Variants in LPAR3 observed in about 807,000 individuals in gnomAD.
LPAR3 encodes LPA receptor 3.
In LPAR3, 7 loss-of-function variants were observed where a neutral mutation model predicts 17.8. That is an observed-to-expected ratio of 0.39 (90% CI 0.22 to 0.74). LPAR3 has a LOEUF of 0.74. Among genes scored for constraint, LPAR3 ranks in the 30% least tolerant of loss-of-function variants. The pLI is 0.40. For synonymous variants in LPAR3, 179 were observed against 179.9 expected (o/e 0.99, Z 0.04); for missense variants, 391 against 453.4 (o/e 0.86, Z 1.25).
At chr1:84,817,802 C>CAAAAAA (rs10674807) in intron 2 of LPAR3, among the ~76,000 whole-genome samples, 1 of 119,786 alleles carries the variant, frequency 8.3e-6, no homozygotes. Flanking sequence ...CTTTCCTGGC[C>CAAAAAA]AAAAAAAAAA....
intron 2 of LPAR3, among the ~76,000 whole-genome samples, chr1:84,819,286 G>A (rs1659004666): frequency 6.6e-6 from 1 of 152,172 alleles, no homozygotes; most frequent in South Asian, 2.1e-4. Flanking sequence ...TACTGTTATG[G>A]GAAATACAGA....
At chr1:84,825,740 T>C (rs918950169) in intron 2 of LPAR3, among the ~76,000 whole-genome samples, 1 of 152,224 alleles carries the variant, frequency 6.6e-6, no homozygotes, top group Admixed American at 6.5e-5. Context: ...ATGATGACGC[T>C]GAGGTTCCTA....
chr1:84,889,649 G>A (rs74096182), intron 1 of LPAR3, among the ~76,000 whole-genome samples: 3,600 of 152,160 alleles, frequency 0.024, 65 homozygotes, highest in African/African-American at 0.044. Context: ...TTTCCTCCTC[G>A]AAGTCCAGTA....
chr1:84,875,790 A>C (rs772914046), intron 1 of LPAR3, among the ~76,000 whole-genome samples: 2 of 152,186 alleles, frequency 1.3e-5, no homozygotes, highest in Non-Finnish European at 2.9e-5. Flanking sequence ...CTGTGGTACC[A>C]TATTCCCTTT....
intron 1 of LPAR3, among the ~76,000 whole-genome samples, chr1:84,878,888 C>T (rs1376349584): frequency 6.6e-6 from 1 of 152,150 alleles, no homozygotes; most frequent in Non-Finnish European, 1.5e-5. Context: ...ACTGCTGAAG[C>T]CACTTTACCT....
intron 2 of LPAR3, among the ~76,000 whole-genome samples, chr1:84,851,786 G>C (rs1303791631): frequency 6.6e-6 from 1 of 152,206 alleles, no homozygotes; most frequent in Non-Finnish European, 1.5e-5. Flanking sequence ...GCATAGAAAA[G>C]GAGGCTGGGA....
At chr1:84,844,204 C>A (rs984390492) in intron 2 of LPAR3, among the ~76,000 whole-genome samples, 1 of 152,200 alleles carries the variant, frequency 6.6e-6, no homozygotes, top group Non-Finnish European at 1.5e-5. Context: ...CAATTTCTAG[C>A]TTAACATGTG....
chr1:84,879,742 A>G (rs1660328435), intron 1 of LPAR3, among the ~76,000 whole-genome samples: 1 of 152,182 alleles, frequency 6.6e-6, no homozygotes, highest in African/African-American at 2.4e-5. Context: ...TCTTACCACT[A>G]GAATGTAAGC....
At chr1:84,856,766 A>G (rs1659838561) in intron 2 of LPAR3, among the ~76,000 whole-genome samples, 1 of 152,184 alleles carries the variant, frequency 6.6e-6, no homozygotes, top group Non-Finnish European at 1.5e-5. Context: ...CCATCCTATA[A>G]TAGAGCTCTA....
intron 1 of LPAR3, among the ~76,000 whole-genome samples, chr1:84,886,425 C>CT (rs1314664337): frequency 6.6e-6 from 1 of 152,114 alleles, no homozygotes; most frequent in East Asian, 1.9e-4. Context: ...ACTTGGGAGG[C>CT]TGAGATAGGA....
intron 2 of LPAR3, among the ~76,000 whole-genome samples, chr1:84,821,835 A>C (rs1659061349): frequency 6.6e-6 from 1 of 152,182 alleles, no homozygotes; most frequent in South Asian, 2.1e-4. Flanking sequence ...GAAAGACTCC[A>C]GGGTGAGTGG....
intron 2 of LPAR3, among the ~76,000 whole-genome samples, chr1:84,820,909 T>G (rs79121768): frequency 1.2e-4 from 19 of 152,260 alleles, no homozygotes; most frequent in African/African-American, 4.3e-4. Context: ...GAAATCAATT[T>G]AGTGAGTTGC....
At chr1:84,835,107 T>A (rs1323222942) in intron 2 of LPAR3, among the ~76,000 whole-genome samples, 1 of 152,222 alleles carries the variant, frequency 6.6e-6, no homozygotes, top group African/African-American at 2.4e-5. Context: ...AATTCCTTCA[T>A]CTGTTCTGGA....
chr1:84,812,584 C>T lies in LPAR3; in HGVS notation c.*1262G>A, dbSNP rs937774635. On this transcript the variant is annotated 3_prime_UTR_variant, in exon 3 of 3. Coordinates refer to ENST00000370611, the MANE Select transcript of LPAR3 (RefSeq NM_012152.3). Reference sequence around the variant, plus strand: ...AGTACCTGGTATTACAGGCATGTGCCACCATGCCTGGCTAGTTTTTGTATT... The same window carrying T: ...AGTACCTGGTATTACAGGCATGTGCTACCATGCCTGGCTAGTTTTTGTATT... The T allele has an allele frequency of 6.6e-6, 1 of 152,042 alleles. No homozygotes were observed. The highest frequency in any genetic ancestry group is 6.6e-5 in the Admixed American group (1 of 15,266). The allele number at this position is 152,042 out of a possible 1,614,324, so 9.4% of individuals were successfully genotyped here.
chr1:84,825,069 T>C (rs1020175486), intron 2 of LPAR3, among the ~76,000 whole-genome samples: 1 of 152,232 alleles, frequency 6.6e-6, no homozygotes, highest in African/African-American at 2.4e-5. Flanking sequence ...TCCATCTATA[T>C]GTCACTGGGA....
chr1:84,813,126 A>AATATATATATATATATATATAT lies in LPAR3; in HGVS notation c.*698_*719dup, dbSNP rs769953448. ...ATCAATAAAAATCAGTAAAAACAGG[A>AATATATATATATATATATATAT]ATATATATATATATATATATATATA... On this transcript the variant is annotated 3_prime_UTR_variant, in exon 3 of 3. Transcript: ENST00000370611. The AATATATATATATATATATATAT allele has an allele frequency of 5.6e-5, 4 of 71,592 alleles. No homozygotes were observed. Among genetic ancestry groups the AATATATATATATATATATATAT allele is most frequent in the Admixed American group, 1.5e-4 (1 of 6,562 alleles). The allele number at this position is 71,592 out of a possible 1,614,324, so 4.4% of individuals were successfully genotyped here.
intron 2 of LPAR3, among the ~76,000 whole-genome samples, chr1:84,816,462 AG>A (rs1467630459): frequency 6.6e-6 from 1 of 152,176 alleles, no homozygotes; most frequent in Admixed American, 6.5e-5. Context: ...GCCCTGGTCA[AG>A]GGAGGCTCTT....
intron 1 of LPAR3, among the ~76,000 whole-genome samples, chr1:84,892,218 T>TAAAG (rs371254844): frequency 1.4e-5 from 1 of 72,800 alleles, no homozygotes; most frequent in African/African-American, 5.0e-5. Context: ...GTCTCAAAAA[T>TAAAG]AAATAAATAA....
At chr1:84,829,302 G>A (rs1181032090) in intron 2 of LPAR3, among the ~76,000 whole-genome samples, 30 of 151,676 alleles carry the variant, frequency 2.0e-4, no homozygotes, top group Admixed American at 2.0e-3. Flanking sequence ...CATGTATAAG[G>A]TGCTGTCTAG....
Sources: gnomAD v4.1 joint callset for allele counts (sites outside exome capture counted in the v4.1 genomes callset) on GRCh38, gnomAD v4.1.1 for gene constraint, MANE v1.5 for transcripts, NCBI Gene and HGNC (gene_info 2026-07-23, HGNC 2026-07-21) for gene names.